Variants in RNLS observed in about 807,000 individuals in gnomAD.
RNLS encodes the protein renalase.
In RNLS, 39 loss-of-function variants were observed where a neutral mutation model predicts 39.8. The observed-to-expected ratio is 0.98, with a 90% CI of 0.76 to 1.28. The LOEUF is 1.28. RNLS is among the 50% of genes most tolerant of loss of function. The probability of loss-of-function intolerance (pLI) is 0.00; values close to 1 mark genes in which losing one functional copy is unlikely to be tolerated. For missense variants in RNLS, 410 were observed against 413.3 expected (o/e 0.99, Z 0.07); for synonymous variants, 147 against 150.7 (o/e 0.98, Z 0.18).
chr10:88,419,003 C>T (rs1354435993), intron 4 of RNLS, among the ~76,000 whole-genome samples: 1 of 152,180 alleles, frequency 6.6e-6, no homozygotes, highest in African/African-American at 2.4e-5. Context: ...TCTTGCTGAG[C>T]CCTGAAAGGT....
At chr10:88,369,470 A>G (rs1850371661) in intron 4 of RNLS, among the ~76,000 whole-genome samples, 1 of 152,146 alleles carries the variant, frequency 6.6e-6, no homozygotes, top group African/African-American at 2.4e-5. Context: ...AGGTGTTGGC[A>G]ATGGTGAGCT....
At chr10:88,293,799 G>A (rs531914034) in intron 6 of RNLS, among the ~76,000 whole-genome samples, 76 of 152,242 alleles carry the variant, frequency 5.0e-4, no homozygotes, top group African/African-American at 1.4e-3. Context: ...GAGAGATGGC[G>A]GCTAGGGAGG....
chr10:88,200,041 A>C, the RNLS span, among the ~76,000 whole-genome samples: 4 of 152,180 alleles, frequency 2.6e-5, no homozygotes, highest in Non-Finnish European at 4.4e-5. Context: ...AGGTGGGCCA[A>C]TTACTTGAGC....
At chr10:88,218,344 G>A in the RNLS span, among the ~76,000 whole-genome samples, 2 of 152,250 alleles carry the variant, frequency 1.3e-5, no homozygotes, top group African/African-American at 4.8e-5. Flanking sequence ...ATAAGGCTAG[G>A]TCTCGGATGG....
At chr10:88,550,115 CTA>C (rs1442851890) in intron 4 of RNLS, among the ~76,000 whole-genome samples, 3 of 152,102 alleles carry the variant, frequency 2.0e-5, no homozygotes, top group Non-Finnish European at 2.9e-5. Context: ...CAAATTTCTA[CTA>C]TATTTCATTC....
At chr10:88,295,643 G>A (rs993641760) in intron 6 of RNLS, among the ~76,000 whole-genome samples, 7 of 152,142 alleles carry the variant, frequency 4.6e-5, no homozygotes, top group African/African-American at 1.7e-4. Flanking sequence ...AGAAAGCAAT[G>A]TGGTTTGGTC....
downstream of RNLS, among the ~76,000 whole-genome samples, chr10:88,282,971 T>C (rs1325576010): frequency 6.6e-6 from 1 of 152,184 alleles, no homozygotes; most frequent in East Asian, 1.9e-4. Flanking sequence ...TTTCCTTGGC[T>C]GGCTTGATTA....
chr10:88,411,438 C>T (rs1336694224), intron 4 of RNLS, among the ~76,000 whole-genome samples: 2 of 151,874 alleles, frequency 1.3e-5, no homozygotes, highest in Non-Finnish European at 1.5e-5. Flanking sequence ...TTTCATACTG[C>T]CTTCATTATT....
chr10:88,561,866 A>C (rs1348335802), intron 4 of RNLS, among the ~76,000 whole-genome samples: 1 of 152,190 alleles, frequency 6.6e-6, no homozygotes, highest in Non-Finnish European at 1.5e-5. Flanking sequence ...AAAAGTAAGC[A>C]TAGGACATGA....
the RNLS span, among the ~76,000 whole-genome samples, chr10:88,245,958 C>G: frequency 1.3e-5 from 2 of 152,190 alleles, no homozygotes; most frequent in East Asian, 3.8e-4. Flanking sequence ...TTCACTGAGC[C>G]TGTAGCACCT....
intron 4 of RNLS, among the ~76,000 whole-genome samples, chr10:88,521,846 G>A (rs1270454943): frequency 3.3e-5 from 5 of 152,126 alleles, no homozygotes; most frequent in African/African-American, 1.2e-4. Flanking sequence ...AATAGCCATA[G>A]TTAGCAGAAT....
At chr10:88,244,855 G>A in the RNLS span, among the ~76,000 whole-genome samples, 1 of 152,098 alleles carries the variant, frequency 6.6e-6, no homozygotes, top group Non-Finnish European at 1.5e-5. Flanking sequence ...TTGAGTAAAT[G>A]GAAGAAAGTA....
intron 4 of RNLS, among the ~76,000 whole-genome samples, chr10:88,526,303 C>A (rs1217226510): frequency 6.6e-6 from 1 of 150,716 alleles, no homozygotes; most frequent in Non-Finnish European, 1.5e-5. Context: ...AGAGCCTCTG[C>A]CCTGAATGAT....
chr10:88,365,609 C>T (rs1054777270), intron 4 of RNLS, among the ~76,000 whole-genome samples: 3 of 151,282 alleles, frequency 2.0e-5, no homozygotes, highest in African/African-American at 7.3e-5. Flanking sequence ...CTTACACATA[C>T]ATAATATAAA....
intron 4 of RNLS, among the ~76,000 whole-genome samples, chr10:88,547,635 T>G (rs1239628077): frequency 6.6e-6 from 1 of 152,230 alleles, no homozygotes; most frequent in African/African-American, 2.4e-5. Context: ...AAAATGTCTA[T>G]GCTTAAATGA....
At chr10:88,453,503 C>A (rs1403646904) in intron 4 of RNLS, among the ~76,000 whole-genome samples, 1 of 152,168 alleles carries the variant, frequency 6.6e-6, no homozygotes, top group African/African-American at 2.4e-5. Flanking sequence ...CTCCCTTCAG[C>A]CCAATCCAGT....
intron 5 of RNLS, among the ~76,000 whole-genome samples, chr10:88,326,162 G>A (rs1846589361): frequency 6.6e-6 from 1 of 152,160 alleles, no homozygotes. Flanking sequence ...GTGGGGTATT[G>A]ATACAAAAAT....
chr10:88,413,205 T>G (rs750320446), intron 4 of RNLS, among the ~76,000 whole-genome samples: 17 of 152,172 alleles, frequency 1.1e-4, no homozygotes, highest in African/African-American at 1.4e-4. Context: ...GTAAATGTCT[T>G]TCTTTCTTTG....
chr10:88,398,979 T>G lies in RNLS; in HGVS notation c.527-36254A>C, dbSNP rs1852740179. 2.0e-5 allele frequency among the ~76,000 whole-genome samples: 3 copies of G among 151,994 alleles called. No individual in the cohort carries two copies. The South Asian group carries it at 6.2e-4, about 31-fold the overall frequency. On this transcript the variant is annotated intron_variant, in intron 4 of 6. Transcript: ENST00000331772. ...CCAATTAAACAGTGGACAAAAAATC[T>G]GAATAGATGTTTTTTCCAAAGATTA...
Sources: gnomAD v4.1 joint callset for allele counts (sites outside exome capture counted in the v4.1 genomes callset) on GRCh38, gnomAD v4.1.1 for gene constraint, MANE v1.5 for transcripts, NCBI Gene and HGNC (gene_info 2026-07-23, HGNC 2026-07-21) for gene names.